Variants in CCDC148 observed in about 807,000 individuals in gnomAD.
CCDC148 encodes coiled-coil domain-containing protein 148.
A neutral mutation model predicts 85.7 loss-of-function variants in CCDC148; 89 were observed. The observed-to-expected ratio is 1.04, with a 90% CI of 0.87 to 1.24. CCDC148 has a LOEUF of 1.24. Ranked by LOEUF, CCDC148 falls within the 50% of genes most tolerant of loss-of-function variation. The pLI, the probability that CCDC148 is intolerant of heterozygous loss-of-function variation, is 0.00. For synonymous variants in CCDC148, 230 were observed against 213.9 expected (o/e 1.08, Z -0.66); for missense variants, 692 against 671.7 (o/e 1.03, Z -0.33).
intron 1 of CCDC148, among the ~76,000 whole-genome samples, chr2:158,426,343 C>T (rs1004051571): frequency 1.2e-4 from 18 of 152,044 alleles, no homozygotes; most frequent in African/African-American, 4.1e-4. Context: ...TTACAGTTAA[C>T]TGCAAATGCC....
intron 13 of CCDC148, among the ~76,000 whole-genome samples, chr2:158,173,397 T>G (rs564123709): frequency 1.1e-4 from 17 of 152,176 alleles, no homozygotes; most frequent in Non-Finnish European, 2.4e-4. Flanking sequence ...TACTAGGGTA[T>G]GTTTGTTTCT....
intron 1 of CCDC148, among the ~76,000 whole-genome samples, chr2:158,401,584 C>A (rs188184711): frequency 6.6e-6 from 1 of 151,954 alleles, no homozygotes; most frequent in African/African-American, 2.4e-5. Context: ...GGAGAAAATA[C>A]CTAATGTAAA....
chr2:158,249,568 A>T (rs1688705432), intron 10 of CCDC148, among the ~76,000 whole-genome samples: 1 of 152,188 alleles, frequency 6.6e-6, no homozygotes, highest in Non-Finnish European at 1.5e-5. Context: ...TCTTCTTAGC[A>T]GCTGACTTTG....
intron 9 of CCDC148, among the ~76,000 whole-genome samples, chr2:158,303,427 G>T (rs2105201872): frequency 6.6e-6 from 1 of 152,184 alleles, no homozygotes; most frequent in East Asian, 1.9e-4. Flanking sequence ...TCATCTTTCA[G>T]GGCTCAGCTT....
chr2:158,247,579 G>T (rs1215255023), intron 10 of CCDC148, among the ~76,000 whole-genome samples: 1 of 152,054 alleles, frequency 6.6e-6, no homozygotes, highest in Non-Finnish European at 1.5e-5. Flanking sequence ...TTAAAAGGCC[G>T]GGCATGGTAG....
At chr2:158,279,426 C>T (rs1355125872) in intron 9 of CCDC148, among the ~76,000 whole-genome samples, 3 of 152,176 alleles carry the variant, frequency 2.0e-5, no homozygotes, top group East Asian at 3.9e-4. Context: ...CAGAGAAGTG[C>T]TTAAAGGAGC....
In CCDC148 at chr2:158,184,607, C is replaced by A. The variant is rs4664243; in HGVS notation, c.1371-5611G>T. On this transcript the variant is annotated intron_variant, in intron 11 of 13. Coordinates refer to ENST00000283233, the MANE Select transcript of CCDC148 (RefSeq NM_138803.4). ...GCCCCTTTTCAGATTGCTACAGAATCATGGTTCTCAATCACTGAAACTTGT... is the reference window on the plus strand; with the variant it reads ...GCCCCTTTTCAGATTGCTACAGAATAATGGTTCTCAATCACTGAAACTTGT... 8.9e-3 allele frequency among the ~76,000 whole-genome samples: 1,354 copies of A among 152,276 alleles called. 61 individuals are homozygous for A. Among genetic ancestry groups the A allele is most frequent in the Admixed American group, 0.078 (1,192 of 15,296 alleles).
chr2:158,188,941 C>T (rs1021563881), intron 11 of CCDC148, among the ~76,000 whole-genome samples: 1 of 151,936 alleles, frequency 6.6e-6, no homozygotes, highest in African/African-American at 2.4e-5. Context: ...CATCAACAGA[C>T]ACTTCTCAAA....
intron 9 of CCDC148, among the ~76,000 whole-genome samples, chr2:158,264,331 A>G (rs1689362528): frequency 6.6e-6 from 1 of 152,082 alleles, no homozygotes; most frequent in Non-Finnish European, 1.5e-5. Context: ...CACTTGTTAC[A>G]TCTTAGCTAT....
At chr2:158,416,268 G>A (rs1220975962) in intron 1 of CCDC148, among the ~76,000 whole-genome samples, 1 of 152,192 alleles carries the variant, frequency 6.6e-6, no homozygotes, top group Non-Finnish European at 1.5e-5. Context: ...TGTGATGGGA[G>A]GGGCTGCCAC....
intron 9 of CCDC148, among the ~76,000 whole-genome samples, chr2:158,266,099 C>A (rs1689440239): frequency 6.6e-6 from 1 of 152,104 alleles, no homozygotes; most frequent in Non-Finnish European, 1.5e-5. Flanking sequence ...CTGACTAATC[C>A]TTTTATAGTG....
At chr2:158,302,291 C>CTT (rs1290862117) in intron 9 of CCDC148, among the ~76,000 whole-genome samples, 7 of 152,028 alleles carry the variant, frequency 4.6e-5, no homozygotes, top group Non-Finnish European at 1.0e-4. Flanking sequence ...TCCTGGGAGT[C>CTT]TGAGAATGAG....
intron 9 of CCDC148, among the ~76,000 whole-genome samples, chr2:158,308,041 G>A (rs141092251): frequency 2.1e-4 from 32 of 152,206 alleles, no homozygotes; most frequent in Non-Finnish European, 4.1e-4. Context: ...TTGCATTTTC[G>A]TCTAGCACCT....
intron 7 of CCDC148, among the ~76,000 whole-genome samples, chr2:158,334,474 G>A (rs1693317426): frequency 6.6e-6 from 1 of 152,164 alleles, no homozygotes; most frequent in African/African-American, 2.4e-5. Context: ...AAACTTCTCT[G>A]CGTAACAATT....
chr2:158,238,395 G>A (rs572639294), intron 10 of CCDC148, among the ~76,000 whole-genome samples: 1 of 152,114 alleles, frequency 6.6e-6, no homozygotes, highest in Non-Finnish European at 1.5e-5. Context: ...ATGTCATATT[G>A]GAAACCTGTG....
intron 12 of CCDC148, among the ~76,000 whole-genome samples, 175 bp downstream of exon 12, chr2:158,178,704 A>G (rs746512810): frequency 7.2e-5 from 11 of 152,206 alleles, no homozygotes; most frequent in Non-Finnish European, 1.3e-4. Context: ...GAAACTGGAA[A>G]TGGTTCAATA....
chr2:158,217,854 A>G (rs1451850393), intron 11 of CCDC148, among the ~76,000 whole-genome samples: 1 of 152,220 alleles, frequency 6.6e-6, no homozygotes, highest in Non-Finnish European at 1.5e-5. Context: ...ATACGGAAAA[A>G]AAGTGTCCGT....
chr2:158,316,115 T>C (rs139230725), intron 7 of CCDC148, among the ~76,000 whole-genome samples: 46 of 152,322 alleles, frequency 3.0e-4, no homozygotes, highest in African/African-American at 9.9e-4. Context: ...TTTTCAAAAA[T>C]AGTTTAAATC....
At chr2:158,423,980 T>C (rs879771474) in intron 1 of CCDC148, among the ~76,000 whole-genome samples, 4 of 152,206 alleles carry the variant, frequency 2.6e-5, no homozygotes, top group Non-Finnish European at 4.4e-5. Context: ...TCATCATCAC[T>C]GGCCATCATA....
Sources: gnomAD v4.1 joint callset for allele counts (sites outside exome capture counted in the v4.1 genomes callset) on GRCh38, gnomAD v4.1.1 for gene constraint, MANE v1.5 for transcripts, NCBI Gene and HGNC (gene_info 2026-07-23, HGNC 2026-07-21) for gene names.